Variants in SLC27A1 observed in about 807,000 individuals in gnomAD.
The protein encoded by SLC27A1 is long-chain fatty acid transport protein 1.
In SLC27A1, 61 loss-of-function variants were observed where a neutral mutation model predicts 62.2. The ratio of observed to expected loss-of-function variants is 0.98; its 90% CI spans 0.80 to 1.21. The LOEUF (loss-of-function observed/expected upper bound fraction) is 1.21. SLC27A1 is among the 50% of genes most tolerant of loss of function. The probability of loss-of-function intolerance (pLI) is 0.00; values close to 1 mark genes in which losing one functional copy is unlikely to be tolerated. For synonymous variants in SLC27A1, 435 were observed against 408.6 expected (o/e 1.06, Z -0.78); for missense variants, 903 against 932.1 (o/e 0.97, Z 0.41).
chr19:17,504,572 C>T lies in SLC27A1; in HGVS notation c.1901C>T (p.Ala634Val). The part of the protein sequence containing the change: ...KQGHYLPLNE[A>V]VYTRICSGAF... Reference sequence around the variant, plus strand: ...GGCCACTACCTGCCCTTAAATGAGGCAGTCTACACTCGCATCTGCTCGGGC... The same window carrying T: ...GGCCACTACCTGCCCTTAAATGAGGTAGTCTACACTCGCATCTGCTCGGGC... Residue 634 changes from alanine (A) to valine (V), a missense_variant, in exon 12 of 12, where the codon GCA (alanine) becomes GTA (valine). By Grantham distance (64) the Ala-to-Val change is moderately conservative. Transcript: ENST00000252595. 1.2e-6 allele frequency: 2 copies of T among 1,614,180 alleles called. No homozygotes were observed. Among genetic ancestry groups the T allele is most frequent in the Non-Finnish European group, 1.7e-6 (2 of 1,180,028 alleles).
intron 1 of SLC27A1, among the ~76,000 whole-genome samples, chr19:17,485,969 G>T (rs143147103): frequency 3.2e-4 from 49 of 152,294 alleles, no homozygotes; most frequent in African/African-American, 1.1e-3. Flanking sequence ...ATATCTACTA[G>T]CGAGTGGGGA....
In SLC27A1 at chr19:17,486,752, C is replaced by A; in HGVS notation, c.357C>A (p.Leu119=). 6.2e-7 allele frequency: 1 copy of A among 1,609,218 alleles called. No individual in the cohort carries two copies. Among genetic ancestry groups the A allele is most frequent in the Non-Finnish European group, 8.5e-7 (1 of 1,177,664 alleles). ...CCTACTCCAATGCGGTAGCCAACCT[C>A]TTCCGCCAGCTGGGCTTCGCGCCGG... The part of the protein sequence containing the change: ...LDAYSNAVAN[L]FRQLGFAPGD... The change falls in exon 2 of 12, where the codon CTC becomes CTA. Residue 119 remains leucine (L), a synonymous_variant. Coordinates refer to ENST00000252595, the MANE Select transcript of SLC27A1 (RefSeq NM_198580.3). This position sits in a 1 kb window ranked among gnomAD's most constrained non-coding sequence, Gnocchi z 6.6.
At chr19:17,473,639 A>G (rs1011320020) in intron 1 of SLC27A1, among the ~76,000 whole-genome samples, 1 of 152,194 alleles carries the variant, frequency 6.6e-6, no homozygotes. Context: ...AAGCGGGTGG[A>G]TCACCTGAGG....
chr19:17,471,714 G>A (rs1194969473), intron 1 of SLC27A1, among the ~76,000 whole-genome samples: 1 of 152,124 alleles, frequency 6.6e-6, no homozygotes, highest in Non-Finnish European at 1.5e-5. Flanking sequence ...AGATGGGAAA[G>A]ATCCCACCGT....
intron 6 of SLC27A1, among the ~76,000 whole-genome samples, chr19:17,492,616 CA>C (rs35790162): frequency 9.9e-4 from 70 of 70,636 alleles, no homozygotes; most frequent in African/African-American, 2.8e-3. Flanking sequence ...GACTCCATCT[CA>C]AAAAAAAAAA....
chr19:17,474,256 T>C (rs2075101777), intron 1 of SLC27A1, among the ~76,000 whole-genome samples: 1 of 152,204 alleles, frequency 6.6e-6, no homozygotes, highest in South Asian at 2.1e-4. Context: ...TTTTCTTGCC[T>C]TTTAATCTTG....
At position 17,505,116 on chromosome 19, in the gene SLC27A1, A is replaced by C; in HGVS notation, c.*504A>C. On this transcript the variant is annotated 3_prime_UTR_variant, in exon 12 of 12. Coordinates refer to ENST00000252595, the MANE Select transcript of SLC27A1 (RefSeq NM_198580.3). ...ACCATGTTGGTCAGGTTGGTCTTGA[A>C]CTCCTGACCTCAGGTGATCCGCTGG... 12 of 335,572 alleles carry C rather than the reference A, an allele frequency of 3.6e-5. No homozygotes were observed. Among genetic ancestry groups the C allele is most frequent in the East Asian group, 1.6e-4 (2 of 12,302 alleles). 20.8% of individuals were successfully genotyped at this position (335,572 alleles called of 1,614,324 possible).
rs1209869486 is a variant in SLC27A1, at chr19:17,504,915, T to TA, written c.*304dup. On this transcript the variant is annotated 3_prime_UTR_variant, in exon 12 of 12. Coordinates refer to ENST00000252595, the MANE Select transcript of SLC27A1 (RefSeq NM_198580.3). The stretch of plus-strand genomic sequence containing the variant: ...TTCTTTCTTTCTTTTTTTTTTAAGA[T>TA]AGAGTCTCACTCTGCTGCCCGGGCT... The TA allele has an allele frequency of 9.7e-6, 5 of 514,308 alleles. No individual in the cohort carries two copies. Among genetic ancestry groups the TA allele is most frequent in the South Asian group, 4.6e-5 (3 of 64,718 alleles). The allele number at this position is 514,308 out of a possible 1,614,324, so 31.9% of individuals were successfully genotyped here.
At chr19:17,491,937 TTCTG>T (rs1471256540) in intron 6 of SLC27A1, among the ~76,000 whole-genome samples, 2 of 152,188 alleles carry the variant, frequency 1.3e-5, no homozygotes, top group Non-Finnish European at 2.9e-5. Context: ...CCTTTTCTCT[TTCTG>T]TCTGTCTCTC....
At chr19:17,492,808 C>T (rs1657899036) in intron 6 of SLC27A1, among the ~76,000 whole-genome samples, 1 of 151,204 alleles carries the variant, frequency 6.6e-6, no homozygotes, top group African/African-American at 2.4e-5. Context: ...CGTGGTGGCA[C>T]ATGCCTGTAA....
At chr19:17,491,052 T>G (rs1442609750) in intron 6 of SLC27A1, 1 of 96,084 alleles carries the variant, frequency 1.0e-5, no homozygotes, top group Admixed American at 9.5e-5. Flanking sequence ...AAAAAAAAAT[T>G]TGGCCGGGCA....
chr19:17,485,659 G>T (rs1005562445), intron 1 of SLC27A1, among the ~76,000 whole-genome samples: 1 of 151,404 alleles, frequency 6.6e-6, no homozygotes, highest in South Asian at 2.1e-4. Context: ...ATGAAACCCC[G>T]TCTCTACTAA....
intron 6 of SLC27A1, 82 bp downstream of exon 6, chr19:17,489,199 C>G (rs1300967433): frequency 1.7e-6 from 2 of 1,158,480 alleles, no homozygotes; most frequent in African/African-American, 1.5e-5. Context: ...CACCTCCTCC[C>G]GGTGAGGCCC....
At chr19:17,491,764 C>T (rs1161214263) in intron 6 of SLC27A1, among the ~76,000 whole-genome samples, 6 of 151,878 alleles carry the variant, frequency 4.0e-5, no homozygotes, top group African/African-American at 1.5e-4. Flanking sequence ...GTCCCAGCTG[C>T]TTGGGAGGCT....
At chr19:17,472,005 T>C (rs142820364) in intron 1 of SLC27A1, among the ~76,000 whole-genome samples, 3 of 152,320 alleles carry the variant, frequency 2.0e-5, no homozygotes, top group East Asian at 3.9e-4. Context: ...CAGAACATAC[T>C]GGACCCCTTT....
At chr19:17,488,632 C>T in intron 4 of SLC27A1, 1 of 599,010 alleles carries the variant, frequency 1.7e-6, no homozygotes, top group Non-Finnish European at 3.0e-6. Flanking sequence ...GCTGCATTAC[C>T]ATCAGCCCCT....
rs368884002 is a variant in SLC27A1, at chr19:17,488,850, A to G, written c.797A>G (p.Tyr266Cys). The change falls in exon 5 of 12, where the codon TAC (tyrosine) becomes TGC (cysteine). Residue 266 changes from tyrosine (Y) to cysteine (C), a missense_variant and splice_region_variant. Physicochemically the swap from Tyr to Cys is radical, Grantham distance 194 (BLOSUM62 -2). Transcript: ENST00000252595. ...PKAAIVVHSR[Y>C]YRMAAFGHHA... is the part of the protein sequence containing the mutation. ...CCCGGCTCCCCCTCCCCCTGCAGGT[A>G]CTACCGCATGGCAGCCTTCGGCCAC... 1.2e-6 allele frequency: 2 copies of G among 1,613,362 alleles called. No homozygotes were observed.
intron 3 of SLC27A1, 58 bp downstream of exon 3, chr19:17,487,393 GC>G (rs2075246926): frequency 7.2e-6 from 2 of 279,698 alleles, no homozygotes; most frequent in East Asian, 2.2e-4. Context: ...CCCAGGCCCC[GC>G]CCCCAACTTC....
At position 17,500,308 on chromosome 19, in the gene SLC27A1, C is replaced by G; in HGVS notation, c.1237C>G (p.Leu413Val). ...VGSCGFNSRI[L>V]PHVYPIRLVK... ...CTCCTGTGGTTTCAACAGCCGCATC[C>G]TGCCCCACGTGTACCCCATCCGGCT... The change falls in exon 8 of 12, where the codon CTG (leucine) becomes GTG (valine). Residue 413 changes from leucine (L) to valine (V), a missense_variant. Coordinates refer to ENST00000252595, the MANE Select transcript of SLC27A1 (RefSeq NM_198580.3). 6.2e-7 allele frequency: 1 copy of G among 1,614,236 alleles called. No homozygotes were observed. The highest frequency in any genetic ancestry group is 8.5e-7 in the Non-Finnish European group (1 of 1,180,028).
Sources: gnomAD v4.1 joint callset for allele counts (sites outside exome capture counted in the v4.1 genomes callset) on GRCh38, gnomAD v4.1.1 for gene constraint, Gnocchi (gnomAD v3.1) non-coding constraint, MANE v1.5 for transcripts, NCBI Gene and HGNC (gene_info 2026-07-23, HGNC 2026-07-21) for gene names.